MLLT6: variants seen among roughly 807,000 people sequenced by gnomAD.
MLLT6 encodes the protein protein AF-17.
In MLLT6, 22 loss-of-function variants were observed where a neutral mutation model predicts 103.0. The ratio of observed to expected loss-of-function variants is 0.21; its 90% CI spans 0.15 to 0.31. MLLT6 has a LOEUF of 0.31. MLLT6 is among the 10% of genes least tolerant of loss of function. MLLT6 has a pLI of 1.00. For synonymous variants in MLLT6, 606 were observed against 623.5 expected, an observed-to-expected ratio of 0.97 and a Z score of 0.42; for missense variants, 1,199 against 1,441.7, an observed-to-expected ratio of 0.83 and a Z score of 2.73.
At position 38,720,552 on chromosome 17, in the gene MLLT6, A is replaced by G. The variant is rs572992844; in HGVS notation, c.2336A>G (p.Tyr779Cys). Residue 779 changes from tyrosine (Y) to cysteine (C), a missense_variant, in exon 15 of 20, where the codon TAT becomes TGT. This residue lies in a region of MLLT6 where 1,034 missense variants were observed against 1,091.5 expected (regional missense o/e 0.95). Transcript: ENST00000621332. ...PAANGPVPGP[Y>C]GLPPQAGSSD... Reference sequence around the variant, plus strand: ...GCCAACGGCCCTGTCCCTGGGCCCTATGGCCTGCCTCCCCAAGGTGAGGGG... The same window carrying G: ...GCCAACGGCCCTGTCCCTGGGCCCTGTGGCCTGCCTCCCCAAGGTGAGGGG... 6 of 1,612,218 alleles carry G rather than the reference A, an allele frequency of 3.7e-6. No individual in the cohort carries two copies. The highest frequency in any genetic ancestry group is 4.5e-5 in the East Asian group (2 of 44,824).
In MLLT6 at chr17:38,709,470, T is replaced by C. The variant is rs2143668848; in HGVS notation, c.459-12T>C. 6.2e-7 allele frequency: 1 copy of C among 1,612,592 alleles called. No individual in the cohort carries two copies. Among genetic ancestry groups the C allele is most frequent in the East Asian group, 2.2e-5 (1 of 44,886 alleles). On this transcript the variant is annotated splice_polypyrimidine_tract_variant and intron_variant, in intron 5 of 19. Transcript: ENST00000621332. This position sits in a 1 kb window ranked among gnomAD's most constrained non-coding sequence, Gnocchi z 4.3. ...GTGGCCTCAGCCGTCTCAGGCTGCC[T>C]TCTCTGGTTAGTGCCCAAATGGCAG... is the stretch of plus-strand genomic sequence containing the variant.
rs972427456 is a variant in MLLT6, at chr17:38,725,084, C to T, written c.3240+108C>T. ...CCTCAGCAGGGGGAAGGAAGCAACC[C>T]CTAGGTCAGCAAAGTACCCTGCCTC... On this transcript the variant is annotated intron_variant, in intron 19 of 19. Transcript: ENST00000621332. 1.1e-4 allele frequency: 92 copies of T among 811,032 alleles called. 1 individual carries two copies. The African/African-American group carries it at 1.5e-3, about 13-fold the overall frequency. The allele number at this position is 811,032 out of a possible 1,614,324, so 50.2% of individuals were successfully genotyped here.
At chr17:38,721,618 C>T (rs985761964) in intron 16 of MLLT6, among the ~76,000 whole-genome samples, 5 of 152,204 alleles carry the variant, frequency 3.3e-5, no homozygotes, top group African/African-American at 1.2e-4. Context: ...TCTGGTTCAC[C>T]AGATGGTCAC....
chr17:38,723,478 T>C (rs138178134), intron 18 of MLLT6, among the ~76,000 whole-genome samples: 1,716 of 152,046 alleles, frequency 0.011, 46 homozygotes, highest in African/African-American at 0.039. Flanking sequence ...GGTGACAGAA[T>C]GAGACCCTGT....
At chr17:38,708,616 G>T (rs909823561) in intron 4 of MLLT6, among the ~76,000 whole-genome samples, 2 of 152,362 alleles carry the variant, frequency 1.3e-5, no homozygotes, top group African/African-American at 4.8e-5. Flanking sequence ...TTAAAAGCAG[G>T]CTGGGTGTGG....
chr17:38,714,154 A>G lies in MLLT6; in HGVS notation c.819+1365A>G, dbSNP rs1374203832. ...ATCCAATTAGGTTGGAAATTTATAAACCCCATTTAATATATGAAGATGATG... is the reference window on the plus strand; with the variant it reads ...ATCCAATTAGGTTGGAAATTTATAAGCCCCATTTAATATATGAAGATGATG... On this transcript the variant is annotated intron_variant, in intron 8 of 19. Transcript: ENST00000621332. 4 of 152,184 alleles carry G rather than the reference A, an allele frequency of 2.6e-5. No individual in the cohort carries two copies. In the East Asian group the frequency reaches 7.7e-4, roughly 29 times the overall value. The allele number at this position is 152,184 out of a possible 1,614,324, so 9.4% of individuals were successfully genotyped here. A position where few individuals can be genotyped will look rare whatever the true frequency, so the allele number is the denominator to read the frequency against.
chr17:38,718,151 G>A (rs1905457475), intron 12 of MLLT6, 198 bp downstream of exon 12: 2 of 483,414 alleles, frequency 4.1e-6, no homozygotes, highest in Non-Finnish European at 7.3e-6. Flanking sequence ...GAGGCGGGTG[G>A]ATCACCTGAG....
chr17:38,707,116 G>A (rs746712023), intron 2 of MLLT6, 87 bp downstream of exon 2: 40 of 1,160,472 alleles, frequency 3.4e-5, no homozygotes, highest in Non-Finnish European at 4.8e-5. Flanking sequence ...CTGAGGCCGA[G>A]GCTAGGGTGG....
At chr17:38,719,087 C>T (rs1296127982) in intron 12 of MLLT6, 10 of 237,642 alleles carry the variant, frequency 4.2e-5, no homozygotes, top group East Asian at 2.7e-4. Context: ...TAGCTAAACC[C>T]TTCAGGTAAA....
At chr17:38,712,975 C>T (rs552767913) in intron 8 of MLLT6, 186 bp downstream of exon 8, 17 of 770,642 alleles carry the variant, frequency 2.2e-5, no homozygotes, top group East Asian at 1.2e-4. Context: ...CACCAATCAC[C>T]GACCAACCAT....
chr17:38,708,120 C>G, intron 4 of MLLT6: 1 of 540,148 alleles, frequency 1.9e-6, no homozygotes, highest in Non-Finnish European at 3.3e-6. Flanking sequence ...TTACTTCATT[C>G]ATTCATTCGC....
chr17:38,719,451 T>G (rs981548858), intron 12 of MLLT6, 66 bp from the exon 13 acceptor site: 23 of 1,373,166 alleles, frequency 1.7e-5, no homozygotes, highest in Admixed American at 5.9e-5. Flanking sequence ...CATATCCATC[T>G]GGGGGCGGGG....
intron 6 of MLLT6, among the ~76,000 whole-genome samples, chr17:38,711,488 A>G (rs1905138846): frequency 6.6e-6 from 1 of 151,984 alleles, no homozygotes; most frequent in Admixed American, 6.5e-5. Context: ...TGCTCCAGGG[A>G]AGGAGGTAGA....
At position 38,720,503 on chromosome 17, in the gene MLLT6, G is replaced by T. The variant is rs1391836207; in HGVS notation, c.2287G>T (p.Ala763Ser). ...CGTGCAGCTCTCTGTGCCCTTCCCTGCCCTGCCTGCTGCCCTGCCTGCCGC... is the reference window on the plus strand; with the variant it reads ...CGTGCAGCTCTCTGTGCCCTTCCCTTCCCTGCCTGCTGCCCTGCCTGCCGC... ...LNVQLSVPFP[A>S]LPAALPAANG... Residue 763 changes from alanine (A) to serine (S), a missense_variant, in exon 15 of 20, where the codon GCC (alanine) becomes TCC (serine). Transcript: ENST00000621332. 1 of 1,612,460 alleles carries T rather than the reference G, an allele frequency of 6.2e-7. No homozygotes were observed.
chr17:38,725,188 GA>G (rs1238718570), intron 19 of MLLT6: 23 of 539,686 alleles, frequency 4.3e-5, no homozygotes, highest in Non-Finnish European at 7.1e-5. Context: ...GGGCTCAGAG[GA>G]AAAGGACCAA....
At chr17:38,712,873 CAG>C in intron 8 of MLLT6, 84 bp downstream of exon 8, 1 of 989,884 alleles carries the variant, frequency 1.0e-6, no homozygotes, top group Non-Finnish European at 1.6e-6. Context: ...GTTGGTGAGT[CAG>C]GGACCTGGGC....
Position 38,725,791 on chromosome 17 carries a change from C to G in MLLT6, c.*193C>G. ...GAGAGGGGAGCCCCCTCCATCTGGC[C>G]CCCTTCCCTTTCCGCACTGTCCGCT... On this transcript the variant is annotated 3_prime_UTR_variant, in exon 20 of 20. Transcript: ENST00000621332. 1 of 548,394 alleles carries G rather than the reference C, an allele frequency of 1.8e-6. No individual in the cohort carries two copies. The highest frequency in any genetic ancestry group is 3.8e-5 in the Admixed American group (1 of 26,286). 34.0% of individuals were successfully genotyped at this position (548,394 alleles called of 1,614,324 possible). A position where few individuals can be genotyped will look rare whatever the true frequency, so the allele number is the denominator to read the frequency against.
intron 1 of MLLT6, chr17:38,706,274 C>A (rs1364697511): frequency 6.6e-6 from 1 of 152,318 alleles, no homozygotes; most frequent in Non-Finnish European, 1.5e-5. Flanking sequence ...AAGAGGGAGG[C>A]TTGGAGTTTC....
intron 8 of MLLT6, chr17:38,715,267 C>T (rs1005689510): frequency 4.0e-5 from 9 of 223,272 alleles, no homozygotes; most frequent in Non-Finnish European, 6.2e-5. Flanking sequence ...TCTTAGACGC[C>T]CTAAGTATTC....
Sources: allele counts gnomAD v4.1 joint callset (sites outside exome capture counted in the v4.1 genomes callset), GRCh38; gene constraint gnomAD v4.1.1; regional missense constraint gnomAD v4.1.1; non-coding constraint Gnocchi (gnomAD v3.1); transcripts MANE v1.5; gene names NCBI Gene and HGNC (gene_info 2026-07-23, HGNC 2026-07-21).